ATXN7L1: variants seen among roughly 807,000 people sequenced by gnomAD.
ATXN7L1 encodes ataxin 7 like 1.
Under a neutral mutation model 70.8 loss-of-function variants are expected in ATXN7L1, and 15 were observed. That is an observed-to-expected ratio of 0.21 (90% CI 0.14 to 0.33). The LOEUF (loss-of-function observed/expected upper bound fraction) is 0.33, where lower values mean the gene tolerates loss of function less well. Ranked by LOEUF, ATXN7L1 falls within the 10% of genes least tolerant of loss-of-function variation. ATXN7L1 has a pLI of 1.00. For synonymous variants in ATXN7L1, 440 were observed against 445.1 expected (o/e 0.99, Z 0.14); for missense variants, 975 against 1,097.1 (o/e 0.89, Z 1.57).
intron 3 of ATXN7L1, among the ~76,000 whole-genome samples, chr7:105,687,321 A>C (rs774086465): frequency 6.6e-5 from 10 of 152,208 alleles, no homozygotes; most frequent in Non-Finnish European, 1.3e-4. Flanking sequence ...TTCAGACTTC[A>C]TATGTTGATG....
Position 105,650,599 on chromosome 7 carries a change from G to C in ATXN7L1, c.579-7478C>G, listed in dbSNP as rs186095360. 1.5e-4 allele frequency among the ~76,000 whole-genome samples: 23 copies of C among 152,334 alleles called. No individual in the cohort carries two copies. In the East Asian group the frequency reaches 4.4e-3, roughly 29 times the overall value. Reference sequence around the variant, plus strand: ...TGGCAGCAGAGACAAAAGAAAAATGGGTTAGCAGGGCTCAATTTCAGCCTA... The same window carrying C: ...TGGCAGCAGAGACAAAAGAAAAATGCGTTAGCAGGGCTCAATTTCAGCCTA... On this transcript the variant is annotated intron_variant, in intron 4 of 11. Transcript: ENST00000419735.
At chr7:105,826,122 G>GGAGACAGGACTAGCAGTGGGTA (rs1810834253) in intron 2 of ATXN7L1, among the ~76,000 whole-genome samples, 1 of 152,180 alleles carries the variant, frequency 6.6e-6, no homozygotes, top group Non-Finnish European at 1.5e-5. Context: ...TTGCCTCTAG[G>GGAGACAGGACTAGCAGTGGGTA]GAGACAGGAC....
chr7:105,875,692 G>A, intron 2 of ATXN7L1, 120 bp downstream of exon 2: 1 of 870,734 alleles, frequency 1.1e-6, no homozygotes, highest in South Asian at 1.7e-5. Flanking sequence ...ACCTGGGCGT[G>A]CTCAATTTTT....
At chr7:105,729,036 G>A (rs569381043) in intron 3 of ATXN7L1, among the ~76,000 whole-genome samples, 1 of 152,242 alleles carries the variant, frequency 6.6e-6, no homozygotes, top group South Asian at 2.1e-4. Context: ...GGCCGAGATG[G>A]AAGGATTGCT....
At chr7:105,716,893 G>T (rs1407167238) in intron 3 of ATXN7L1, among the ~76,000 whole-genome samples, 1 of 146,146 alleles carries the variant, frequency 6.8e-6, no homozygotes, top group Non-Finnish European at 1.5e-5. Flanking sequence ...AAAAGTAAAT[G>T]AAAAAAAAAG....
intron 2 of ATXN7L1, chr7:105,819,969 G>A (rs1430082340): frequency 2.1e-6 from 1 of 479,872 alleles, no homozygotes; most frequent in African/African-American, 2.0e-5. Flanking sequence ...AGGAGAAGAG[G>A]AAGGAGAAAG....
At chr7:105,835,149 G>GTTTTTTTTTT (rs10587073) in intron 2 of ATXN7L1, among the ~76,000 whole-genome samples, 3 of 67,330 alleles carry the variant, frequency 4.5e-5, no homozygotes, top group Admixed American at 2.3e-4. Context: ...TAAGTGTGTG[G>GTTTTTTTTTT]TTTTTTTTTT....
At chr7:105,829,913 A>T (rs1164955063) in intron 2 of ATXN7L1, among the ~76,000 whole-genome samples, 1 of 152,232 alleles carries the variant, frequency 6.6e-6, no homozygotes, top group Non-Finnish European at 1.5e-5. Flanking sequence ...GGTTTTCTAA[A>T]ACATTCCCTG....
intron 2 of ATXN7L1, among the ~76,000 whole-genome samples, chr7:105,817,049 A>G (rs973563635): frequency 3.3e-5 from 5 of 152,226 alleles, no homozygotes; most frequent in African/African-American, 1.2e-4. Flanking sequence ...TTCCCATCGG[A>G]CCAGGAAAGT....
intron 7 of ATXN7L1, among the ~76,000 whole-genome samples, chr7:105,630,648 G>A (rs1453461796): frequency 1.3e-5 from 2 of 151,912 alleles, no homozygotes; most frequent in Non-Finnish European, 2.9e-5. Flanking sequence ...CTTGAGCCTG[G>A]GAAGCAGAGG....
chr7:105,626,767 G>GA (rs1326131763), intron 7 of ATXN7L1, among the ~76,000 whole-genome samples: 2 of 151,320 alleles, frequency 1.3e-5, no homozygotes, highest in Admixed American at 6.6e-5. Flanking sequence ...ATAAAAAAAA[G>GA]AAAAAAAACC....
Position 105,624,061 on chromosome 7 carries a change from G to A in ATXN7L1, c.1395+14C>T, listed in dbSNP as rs1233916652. On this transcript the variant is annotated intron_variant, in intron 8 of 11. Coordinates refer to ENST00000419735, the MANE Select transcript of ATXN7L1 (RefSeq NM_020725.2). ...AGGCGAAGAACGCATGGCAAGGAAC[G>A]GAAGGAGGCCTACCGCCAGAGGTCT... 3.6e-6 allele frequency: 5 copies of A among 1,394,284 alleles called. No homozygotes were observed. The highest frequency in any genetic ancestry group is 4.7e-6 in the Non-Finnish European group (5 of 1,059,580). 86.4% of individuals were successfully genotyped at this position (1,394,284 alleles called of 1,614,324 possible).
In ATXN7L1 at chr7:105,626,405, T is replaced by G. The variant is rs540212192; in HGVS notation, c.1203-2138A>C. Among the ~76,000 whole-genome samples, 199 of 152,318 alleles carry G rather than the reference T, an allele frequency of 1.3e-3. 2 individuals carry two copies. Among genetic ancestry groups the G allele is most frequent in the Admixed American group, 4.9e-3 (75 of 15,300 alleles). On this transcript the variant is annotated intron_variant, in intron 7 of 11. Coordinates refer to ENST00000419735, the MANE Select transcript of ATXN7L1 (RefSeq NM_020725.2). ...TTTAGTGGATATACAGTTCTGGAGA[T>G]GGATGACAGTATGACTACACAACAT...
chr7:105,795,860 C>G (rs977683507), intron 2 of ATXN7L1, among the ~76,000 whole-genome samples: 5 of 152,194 alleles, frequency 3.3e-5, no homozygotes, highest in Non-Finnish European at 5.9e-5. Flanking sequence ...GGTTGTGAAA[C>G]TACCTCAGTC....
intron 3 of ATXN7L1, among the ~76,000 whole-genome samples, chr7:105,753,694 A>C (rs188813116): frequency 6.6e-6 from 1 of 152,266 alleles, no homozygotes; most frequent in Non-Finnish European, 1.5e-5. Context: ...ATAAGTTTAC[A>C]TAGAAAGAAC....
chr7:105,639,685 G>A lies in ATXN7L1; in HGVS notation c.863-116C>T, dbSNP rs974998110. The A allele has an allele frequency of 4.0e-6, 3 of 743,920 alleles. 1 individual carries two copies. The highest frequency in any genetic ancestry group is 2.7e-5 in the East Asian group (1 of 36,542). The allele number at this position is 743,920 out of a possible 1,614,324, so 46.1% of individuals were successfully genotyped here. On this transcript the variant is annotated intron_variant, in intron 5 of 11. Transcript: ENST00000419735. ...GCACCAACAAGTGAGACATTGTCAG[G>A]CAATCTGTTTTTTGTTTTTTTGTGT...
chr7:105,712,022 A>G (rs889755069), intron 3 of ATXN7L1, among the ~76,000 whole-genome samples: 4 of 152,236 alleles, frequency 2.6e-5, no homozygotes, highest in African/African-American at 7.2e-5. Flanking sequence ...TGCAGGCCCA[A>G]CGTCATGTGG....
At chr7:105,684,150 T>C (rs1805885919) in intron 3 of ATXN7L1, among the ~76,000 whole-genome samples, 1 of 152,180 alleles carries the variant, frequency 6.6e-6, no homozygotes, top group Admixed American at 6.5e-5. Flanking sequence ...GTCCCGACTG[T>C]TGAAGAGTTC....
At chr7:105,818,068 T>C (rs1809461496) in intron 2 of ATXN7L1, among the ~76,000 whole-genome samples, 1 of 152,240 alleles carries the variant, frequency 6.6e-6, no homozygotes, top group African/African-American at 2.4e-5. Flanking sequence ...AGAAAATCAC[T>C]GAGGTTTCAC....
Sources: gnomAD v4.1 joint callset for allele counts (sites outside exome capture counted in the v4.1 genomes callset) on GRCh38, gnomAD v4.1.1 for gene constraint, MANE v1.5 for transcripts, NCBI Gene and HGNC (gene_info 2026-07-23, HGNC 2026-07-21) for gene names.